RYR1: variants seen among roughly 807,000 people sequenced by gnomAD.
The protein encoded by RYR1 is central core disease of muscle.
A neutral mutation model predicts 583.5 loss-of-function variants in RYR1; 342 were observed. The ratio of observed to expected loss-of-function variants is 0.59; its 90% CI spans 0.54 to 0.64. The LOEUF is 0.64. Ranked by LOEUF, RYR1 falls within the 30% of genes least tolerant of loss-of-function variation. RYR1 has a pLI of 0.00. For synonymous variants in RYR1, 2,791 were observed against 2,822.5 expected, an observed-to-expected ratio of 0.99 and a Z score of 0.35; for missense variants, 6,032 against 6,917.2, an observed-to-expected ratio of 0.87 and a Z score of 4.54.
chr19:38,503,594 G>A (rs894284610), intron 49 of RYR1, among the ~76,000 whole-genome samples: 3 of 151,994 alleles, frequency 2.0e-5, no homozygotes, highest in East Asian at 1.9e-4. Context: ...CCAACATGGC[G>A]AAACCCCATC....
chr19:38,540,093 A>T (rs1972133569), intron 84 of RYR1, among the ~76,000 whole-genome samples: 2 of 152,114 alleles, frequency 1.3e-5, no homozygotes, highest in Non-Finnish European at 2.9e-5. Flanking sequence ...TGACTGTAAA[A>T]AAGTTAAGGG....
At chr19:38,511,506 C>T (rs2099436092) in intron 60 of RYR1, 55 bp from the exon 61 acceptor site, 2 of 1,594,962 alleles carry the variant, frequency 1.3e-6, no homozygotes, top group South Asian at 2.2e-5. Flanking sequence ...TCCTCGTCTC[C>T]TTGGCCTCCT....
intron 105 of RYR1, 54 bp downstream of exon 105, chr19:38,586,630 A>G: frequency 6.6e-7 from 1 of 1,525,116 alleles, no homozygotes; most frequent in Non-Finnish European, 9.1e-7. Context: ...CCTTTAACAT[A>G]AGGCCAGTCA....
Position 38,443,589 on chromosome 19 carries a change from T to C in RYR1, c.302T>C (p.Leu101Pro). ...SSQGGGHRTL[L>P]YGHAILLRHA... ...CAGGGCGGGGGACACAGGACGCTCC[T>C]GTATGGCCATGCCATCCTGCTCCGG... Residue 101 changes from leucine to proline, a missense_variant, in exon 4 of 106, where the codon CTG becomes CCG. Physicochemically the swap from Leu to Pro is moderately conservative, Grantham distance 98 (BLOSUM62 -3). Coordinates refer to ENST00000359596, the MANE Select transcript of RYR1 (RefSeq NM_000540.3). 6.2e-7 allele frequency: 1 copy of C among 1,614,118 alleles called. No individual in the cohort carries two copies. Among genetic ancestry groups the C allele is most frequent in the Non-Finnish European group, 8.5e-7 (1 of 1,179,980 alleles).
Position 38,546,442 on chromosome 19 carries a change from T to C in RYR1, c.12013-3T>C. The stretch of plus-strand genomic sequence containing the variant: ...CCAGCCCTCACCGAGCTGGGATCTC[T>C]AGGACTCAAGCCAGATCGAGCTGCT... On this transcript the variant is annotated splice_polypyrimidine_tract_variant and splice_region_variant and intron_variant, in intron 87 of 105. Transcript: ENST00000359596. The C allele has an allele frequency of 1.2e-6, 2 of 1,613,614 alleles. No individual in the cohort carries two copies. The highest frequency in any genetic ancestry group is 1.7e-6 in the Non-Finnish European group (2 of 1,179,780).
At position 38,473,523 on chromosome 19, in the gene RYR1, A is replaced by C. The variant is rs1968543451; in HGVS notation, c.3912A>C (p.Ala1304=). 3 of 1,612,352 alleles carry C rather than the reference A, an allele frequency of 1.9e-6. No homozygotes were observed. In the African/African-American group the frequency reaches 4.0e-5, roughly 22 times the overall value. The change falls in exon 28 of 106, where the codon GCA becomes GCC. Residue 1304 remains alanine, a synonymous_variant. Coordinates refer to ENST00000359596, the MANE Select transcript of RYR1 (RefSeq NM_000540.3). ...VQFHQHFRCT[A]GATPLAPPGL... is the part of the protein sequence containing the mutation. ...TCCACCAGCACTTCCGCTGCACTGC[A>C]GGGGCCACCCCGCTGGCACCTCCTG...
intron 54 of RYR1, 29 bp downstream of exon 54, chr19:38,505,975 G>C: frequency 6.2e-7 from 1 of 1,608,728 alleles, no homozygotes; most frequent in Non-Finnish European, 8.5e-7. Flanking sequence ...TGGAGGGCAG[G>C]GGCACGATGG....
chr19:38,528,624 G>A lies in RYR1; in HGVS notation c.10963G>A (p.Glu3655Lys). 1 of 1,614,164 alleles carries A rather than the reference G, an allele frequency of 6.2e-7. No individual in the cohort carries two copies. Among genetic ancestry groups the A allele is most frequent in the East Asian group, 2.2e-5 (1 of 44,876 alleles). Residue 3655 changes from glutamate (E) to lysine (K), a missense_variant, in exon 75 of 106, where the codon GAG (glutamate) becomes AAG (lysine). Glu to Lys is a moderately conservative substitution (Grantham distance 56). Around this residue, in one of 11 missense-constraint regions of RYR1, gnomAD observed 1,493 missense variants for 1,715.5 expected, o/e 0.87. Coordinates refer to ENST00000359596, the MANE Select transcript of RYR1 (RefSeq NM_000540.3). ...PTHRACNMFL[E>K]SYKAAWILTE... is the part of the protein sequence containing the mutation. Reference sequence around the variant, plus strand: ...GCACCGGGCATGTAACATGTTCCTGGAGAGCTACAAGGCTGCATGGATCCT... The same window carrying A: ...GCACCGGGCATGTAACATGTTCCTGAAGAGCTACAAGGCTGCATGGATCCT...
At chr19:38,467,524 C>T in intron 24 of RYR1, 86 bp from the exon 25 acceptor site, 4 of 1,433,070 alleles carry the variant, frequency 2.8e-6, no homozygotes, top group Non-Finnish European at 3.9e-6. Context: ...TTACTGTCCC[C>T]CAAAGCCTGT....
intron 29 of RYR1, 106 bp downstream of exon 29, chr19:38,475,556 G>A (rs1425119077): frequency 5.1e-6 from 7 of 1,379,494 alleles, no homozygotes; most frequent in Non-Finnish European, 7.1e-6. Flanking sequence ...ACCTTACACT[G>A]GGGACTCCCC....
intron 61 of RYR1, 126 bp from the exon 62 acceptor site, chr19:38,511,946 G>A (rs1420166440): frequency 2.7e-6 from 3 of 1,108,638 alleles, no homozygotes; most frequent in Admixed American, 4.0e-5. Flanking sequence ...GGGTGGGGGT[G>A]CAGTAGCATT....
Position 38,543,675 on chromosome 19 carries a change from C to T in RYR1, c.11907+15C>T, listed in dbSNP as rs200813231. 4.6e-5 allele frequency: 75 copies of T among 1,613,238 alleles called. No homozygotes were observed. In the East Asian group the frequency reaches 1.6e-3, roughly 35 times the overall value. On this transcript the variant is annotated intron_variant, in intron 86 of 105. Coordinates refer to ENST00000359596, the MANE Select transcript of RYR1 (RefSeq NM_000540.3). The surrounding 1 kb of genome is among the most constrained non-coding windows in gnomAD (Gnocchi z 4.4). ...AGTACATCCAGGTAGGGCGCTCCCC[C>T]TGGGGCGGGAGTGGGAAGGGAGGGG...
intron 98 of RYR1, 43 bp downstream of exon 98, chr19:38,578,091 GA>G: frequency 1.2e-6 from 2 of 1,613,556 alleles, no homozygotes; most frequent in Non-Finnish European, 1.7e-6. Flanking sequence ...GCATGCAGGG[GA>G]GGTGACTGGA....
At chr19:38,482,351 C>T (rs1306674232) in intron 31 of RYR1, among the ~76,000 whole-genome samples, 1 of 151,964 alleles carries the variant, frequency 6.6e-6, no homozygotes, top group Non-Finnish European at 1.5e-5. Context: ...TTGGTGTGGG[C>T]GGGACTGCTT....
intron 1 of RYR1, among the ~76,000 whole-genome samples, chr19:38,438,587 G>A (rs534834108): frequency 7.1e-6 from 1 of 141,208 alleles, no homozygotes; most frequent in African/African-American, 2.6e-5. Context: ...AGAGATGGGG[G>A]TCTCATTATG....
intron 88 of RYR1, among the ~76,000 whole-genome samples, chr19:38,547,287 G>A (rs950841048): frequency 1.1e-4 from 16 of 149,734 alleles, no homozygotes; most frequent in African/African-American, 3.2e-4. Flanking sequence ...TCCTGACTTC[G>A]TGATCCTCCC....
At chr19:38,522,330 G>A (rs561718628) in intron 67 of RYR1, among the ~76,000 whole-genome samples, 4 of 152,288 alleles carry the variant, frequency 2.6e-5, no homozygotes, top group African/African-American at 9.6e-5. Flanking sequence ...GGCCAGGGAA[G>A]GTGGCTCACA....
chr19:38,507,733 G>A lies in RYR1; in HGVS notation c.8838G>A (p.Leu2946=), dbSNP rs1388031583. The A allele has an allele frequency of 3.1e-6, 5 of 1,612,350 alleles. No homozygotes were observed. Among genetic ancestry groups the A allele is most frequent in the African/African-American group, 2.7e-5 (2 of 74,878 alleles). ...GCAGAGGCCTTAAGGACATGGAACT[G>A]GACTCGTCTTCCATTGAAAAGCGGT... ...AVTRGLKDME[L]DSSSIEKRFA... The change falls in exon 58 of 106, where the codon CTG becomes CTA. Residue 2946 remains leucine, a synonymous_variant. Transcript: ENST00000359596.
rs758631999 is a variant in RYR1, at chr19:38,463,526, C to T, written c.2681C>T (p.Pro894Leu). The T allele has an allele frequency of 4.3e-5, 69 of 1,611,576 alleles. 1 individual carries two copies. Among genetic ancestry groups the T allele is most frequent in the African/African-American group, 1.1e-4 (8 of 75,038 alleles). ...ATCGAGCAGGGCTGGACCTACGGCC[C>T]GGTGAGGGGCTGCCTGCAGCCTGCG... ...TRIEQGWTYG[P>L]VRDDNKRLHP... Residue 894 changes from proline to leucine, a missense_variant and splice_region_variant, in exon 21 of 106, where the codon CCG (proline) becomes CTG (leucine). Pro to Leu is a moderately conservative substitution (Grantham distance 98). Coordinates refer to ENST00000359596, the MANE Select transcript of RYR1 (RefSeq NM_000540.3).
Sources: allele counts gnomAD v4.1 joint callset (sites outside exome capture counted in the v4.1 genomes callset), GRCh38; gene constraint gnomAD v4.1.1; regional missense constraint gnomAD v4.1.1; non-coding constraint Gnocchi (gnomAD v3.1); transcripts MANE v1.5; gene names NCBI Gene and HGNC (gene_info 2026-07-23, HGNC 2026-07-21).